PPP1R16B: variants seen among roughly 807,000 people sequenced by gnomAD.
PPP1R16B encodes protein phosphatase 1 regulatory inhibitor subunit 16B.
In PPP1R16B, 14 loss-of-function variants were observed where a neutral mutation model predicts 61.7. The observed-to-expected ratio is 0.23, with a 90% CI of 0.15 to 0.35. The LOEUF (loss-of-function observed/expected upper bound fraction) is 0.35, where lower values mean the gene tolerates loss of function less well. Among genes scored for constraint, PPP1R16B ranks in the 10% least tolerant of loss-of-function variants. The probability of loss-of-function intolerance (pLI) is 1.00; values close to 1 mark genes in which losing one functional copy is unlikely to be tolerated. For synonymous variants in PPP1R16B, 266 were observed against 305.3 expected (o/e 0.87, Z 1.34); for missense variants, 547 against 752.5 (o/e 0.73, Z 3.19).
chr20:38,902,654 C>CT lies in PPP1R16B; in HGVS notation c.572-11dup, dbSNP rs763147108. ...CCTGAGGGTGCTAAATAAATCCCCT[C>CT]TTTCCCACTGCAGGCATCACCCAAG... On this transcript the variant is annotated splice_polypyrimidine_tract_variant and intron_variant, in intron 5 of 10. Transcript: ENST00000299824. 3 of 1,614,026 alleles carry CT rather than the reference C, an allele frequency of 1.9e-6. No individual in the cohort carries two copies. In the African/African-American group the frequency reaches 4.0e-5, roughly 22 times the overall value.
chr20:38,875,970 C>CTT (rs34445273), intron 2 of PPP1R16B, among the ~76,000 whole-genome samples: 13,672 of 104,090 alleles, frequency 0.13, 1,360 homozygotes, highest in Middle Eastern at 0.17. Context: ...TGGTTTTGAA[C>CTT]TTTTTTTTTT....
chr20:38,888,278 C>T (rs1001885869), intron 2 of PPP1R16B, among the ~76,000 whole-genome samples: 1 of 152,208 alleles, frequency 6.6e-6, no homozygotes, highest in African/African-American at 2.4e-5. Context: ...TGTATCCTGT[C>T]TGCAGTGCCT....
chr20:38,887,417 G>C (rs187668981), intron 2 of PPP1R16B, among the ~76,000 whole-genome samples: 3 of 152,134 alleles, frequency 2.0e-5, no homozygotes, highest in African/African-American at 7.2e-5. Flanking sequence ...CTCACATCAC[G>C]CAAGAACTTG....
intron 1 of PPP1R16B, among the ~76,000 whole-genome samples, chr20:38,834,915 A>G (rs2084859828): frequency 6.6e-6 from 1 of 152,182 alleles, no homozygotes; most frequent in Non-Finnish European, 1.5e-5. Context: ...AAATTTTGCA[A>G]AATTCTTTAT....
At position 38,907,616 on chromosome 20, in the gene PPP1R16B, C is replaced by T. The variant is rs538346255; in HGVS notation, c.899-190C>T. On this transcript the variant is annotated intron_variant, in intron 8 of 10. Coordinates refer to ENST00000299824, the MANE Select transcript of PPP1R16B (RefSeq NM_015568.4). This position sits in a 1 kb window ranked among gnomAD's most constrained non-coding sequence, Gnocchi z 4.5. Reference sequence around the variant, plus strand: ...GACTGTGCCCAGAACCTGGGTTTCCCATTCTTATAATCCTCTTATAAACAC... The same window carrying T: ...GACTGTGCCCAGAACCTGGGTTTCCTATTCTTATAATCCTCTTATAAACAC... 1.2e-4 allele frequency among the ~76,000 whole-genome samples: 19 copies of T among 152,234 alleles called. No homozygotes were observed. The highest frequency in any genetic ancestry group is 2.5e-4 in the Non-Finnish European group (17 of 68,012).
chr20:38,865,665 T>C (rs1036176369), intron 2 of PPP1R16B, among the ~76,000 whole-genome samples: 3 of 152,182 alleles, frequency 2.0e-5, no homozygotes, highest in African/African-American at 7.2e-5. Context: ...ACTTCACAGA[T>C]GAGGAGACAG....
intron 2 of PPP1R16B, 24 bp downstream of exon 2, chr20:38,836,199 G>A (rs573382444): frequency 6.3e-7 from 1 of 1,595,310 alleles, no homozygotes; most frequent in South Asian, 1.1e-5. Flanking sequence ...TGCCTTGGCG[G>A]CCACGCAGCT....
intron 2 of PPP1R16B, among the ~76,000 whole-genome samples, chr20:38,881,318 T>C (rs2085202014): frequency 6.6e-6 from 1 of 152,180 alleles, no homozygotes; most frequent in South Asian, 2.1e-4. Context: ...AGTGGGGTGA[T>C]TTTTGGAAGC....
intron 4 of PPP1R16B, among the ~76,000 whole-genome samples, chr20:38,896,114 TC>T: frequency 9.1e-6 from 1 of 110,312 alleles, no homozygotes; most frequent in Non-Finnish European, 1.8e-5. Flanking sequence ...TCCCCTCCCT[TC>T]CTTCTTTCTT....
At chr20:38,875,970 C>CTTTTTTT (rs34445273) in intron 2 of PPP1R16B, among the ~76,000 whole-genome samples, 1 of 104,164 alleles carries the variant, frequency 9.6e-6, no homozygotes, top group Non-Finnish European at 1.8e-5. Flanking sequence ...TGGTTTTGAA[C>CTTTTTTT]TTTTTTTTTT....
At chr20:38,818,032 A>C (rs1003863235) in intron 1 of PPP1R16B, among the ~76,000 whole-genome samples, 2 of 152,260 alleles carry the variant, frequency 1.3e-5, no homozygotes, top group Admixed American at 6.5e-5. Context: ...CGACAGAGCG[A>C]GACTCCGTCT....
At chr20:38,813,292 C>G (rs12625702) in intron 1 of PPP1R16B, among the ~76,000 whole-genome samples, 82,439 of 152,048 alleles carry the variant, frequency 0.54, 22,485 homozygotes, top group South Asian at 0.6. Context: ...AACATGTATC[C>G]AGGTACATGG....
intron 1 of PPP1R16B, among the ~76,000 whole-genome samples, chr20:38,829,663 GAC>G (rs1427778973): frequency 6.6e-6 from 1 of 152,206 alleles, no homozygotes; most frequent in Non-Finnish European, 1.5e-5. Flanking sequence ...TTACAAGGAG[GAC>G]AGTCTGCAGC....
chr20:38,876,747 T>C (rs1462429888), intron 2 of PPP1R16B, among the ~76,000 whole-genome samples: 5 of 152,256 alleles, frequency 3.3e-5, no homozygotes, highest in Admixed American at 3.3e-4. Context: ...GTTTCTGCAC[T>C]AGCTACTTTG....
chr20:38,886,014 G>T (rs2085242256), intron 2 of PPP1R16B, among the ~76,000 whole-genome samples: 1 of 152,182 alleles, frequency 6.6e-6, no homozygotes, highest in Admixed American at 6.5e-5. Context: ...GACCCCAAGT[G>T]ATCCACATGC....
chr20:38,839,173 C>T (rs182689897), intron 2 of PPP1R16B, among the ~76,000 whole-genome samples: 2 of 152,304 alleles, frequency 1.3e-5, no homozygotes, highest in East Asian at 3.9e-4. Context: ...AAGTGATCCG[C>T]CCACCTTGGC....
At chr20:38,911,171 C>CTT (rs1260598259) in intron 10 of PPP1R16B, among the ~76,000 whole-genome samples, 9 of 125,250 alleles carry the variant, frequency 7.2e-5, no homozygotes, top group African/African-American at 1.8e-4. Context: ...TTTTCTTTTT[C>CTT]TTTTTTTTTT....
chr20:38,817,079 A>ATG (rs2084740502), intron 1 of PPP1R16B, among the ~76,000 whole-genome samples: 1 of 152,158 alleles, frequency 6.6e-6, no homozygotes, highest in South Asian at 2.1e-4. Context: ...CTATCATGGG[A>ATG]TGTAAAGGTG....
At chr20:38,820,353 G>A (rs2084765027) in intron 1 of PPP1R16B, among the ~76,000 whole-genome samples, 1 of 152,082 alleles carries the variant, frequency 6.6e-6, no homozygotes, top group Non-Finnish European at 1.5e-5. Flanking sequence ...CAGGTCAGGA[G>A]TTCGAGACCA....
Sources: gnomAD v4.1 joint callset for allele counts (sites outside exome capture counted in the v4.1 genomes callset) on GRCh38, gnomAD v4.1.1 for gene constraint, Gnocchi (gnomAD v3.1) non-coding constraint, MANE v1.5 for transcripts, NCBI Gene and HGNC (gene_info 2026-07-23, HGNC 2026-07-21) for gene names.